C12orf56: variants seen among roughly 807,000 people sequenced by gnomAD.
C12orf56 encodes the protein uncharacterized protein C12orf56.
A neutral mutation model predicts 69.9 loss-of-function variants in C12orf56; 71 were observed. That is an observed-to-expected ratio of 1.02 (90% CI 0.84 to 1.24). C12orf56 has a LOEUF of 1.24. C12orf56 is among the 50% of genes most tolerant of loss of function. The pLI is 0.00. For missense variants in C12orf56, 732 were observed against 738.5 expected (o/e 0.99, Z 0.10); for synonymous variants, 276 against 274.1 (o/e 1.01, Z -0.07).
chr12:64,365,349 T>A (rs2039451442), intron 1 of C12orf56, among the ~76,000 whole-genome samples: 1 of 151,780 alleles, frequency 6.6e-6, no homozygotes, highest in Non-Finnish European at 1.5e-5. Flanking sequence ...GTATTTTTAG[T>A]AGAGATGGGG....
chr12:64,324,984 T>A (rs2038819500), intron 3 of C12orf56, among the ~76,000 whole-genome samples: 1 of 152,100 alleles, frequency 6.6e-6, no homozygotes, highest in Non-Finnish European at 1.5e-5. Context: ...ATCATCTAGG[T>A]AGCTACCAAA....
At chr12:64,293,738 T>A (rs1055740799) in intron 6 of C12orf56, among the ~76,000 whole-genome samples, 1 of 152,204 alleles carries the variant, frequency 6.6e-6, no homozygotes, top group Admixed American at 6.5e-5. Context: ...AAAAATATTA[T>A]GCCAAAAGAA....
In C12orf56 at chr12:64,286,079, A is replaced by G; in HGVS notation, c.1114-19T>C. 6.8e-7 allele frequency: 1 copy of G among 1,460,706 alleles called. No individual in the cohort carries two copies. Among genetic ancestry groups the G allele is most frequent in the Non-Finnish European group, 9.5e-7 (1 of 1,056,734 alleles). 90.5% of individuals were successfully genotyped at this position (1,460,706 alleles called of 1,614,324 possible). On this transcript the variant is annotated intron_variant, in intron 6 of 12. Transcript: ENST00000543942. ...CACTGGTCTGTGAAAGCAAGTTGGA[A>G]AAAAAGACAGTAATTAAGGTATCTG...
chr12:64,389,070 G>A (rs985914787), intron 1 of C12orf56: 1 of 151,844 alleles, frequency 6.6e-6, no homozygotes, highest in Non-Finnish European at 1.5e-5. Context: ...CAGCAAAACA[G>A]CTCCATCAAG....
At chr12:64,305,981 A>G (rs1348594418) in intron 5 of C12orf56, among the ~76,000 whole-genome samples, 1 of 152,208 alleles carries the variant, frequency 6.6e-6, no homozygotes, top group African/African-American at 2.4e-5. Flanking sequence ...TGGAGTCAGC[A>G]ATTTGCTAAG....
Position 64,390,665 on chromosome 12 carries a change from C to T in C12orf56, c.-100G>A, listed in dbSNP as rs1165113335. ...AACCCGCGCGCCACAAAGCCGCCGG[C>T]CACGCGTCGCCTCCTCTCCAGGCGC... is the stretch of plus-strand genomic sequence containing the variant. On this transcript the variant is annotated 5_prime_UTR_variant, in exon 1 of 13. Transcript: ENST00000543942. The T allele has an allele frequency of 3.9e-5, 53 of 1,360,580 alleles. No homozygotes were observed. Among genetic ancestry groups the T allele is most frequent in the Non-Finnish European group, 4.9e-5 (52 of 1,061,724 alleles). 84.3% of individuals were successfully genotyped at this position (1,360,580 alleles called of 1,614,324 possible). A position where few individuals can be genotyped will look rare whatever the true frequency, so the allele number is the denominator to read the frequency against.
chr12:64,325,486 TGG>T (rs2136852402), intron 3 of C12orf56, among the ~76,000 whole-genome samples: 1 of 152,316 alleles, frequency 6.6e-6, no homozygotes, highest in African/African-American at 2.4e-5. Context: ...GAAGGACTAC[TGG>T]GGGAAAATGA....
chr12:64,285,600 C>T (rs1366249165), intron 7 of C12orf56, among the ~76,000 whole-genome samples: 2 of 152,094 alleles, frequency 1.3e-5, no homozygotes, highest in African/African-American at 2.4e-5. Context: ...CCAGCCTGGC[C>T]AATGTGGTGA....
rs1028318745 is a variant in C12orf56, at chr12:64,375,160, C to A, written c.252+15154G>T. On this transcript the variant is annotated intron_variant, in intron 1 of 12. Coordinates refer to ENST00000543942, the MANE Select transcript of C12orf56 (RefSeq NM_001170633.2). The stretch of plus-strand genomic sequence containing the variant: ...GCAACCTCCGCCTCCCAGGTTCAAG[C>A]AATTCTCCTGCCTCAGCCTCCTGAG... Among the ~76,000 whole-genome samples, 11 of 151,644 alleles carry A rather than the reference C, an allele frequency of 7.3e-5. No homozygotes were observed. In the East Asian group the frequency reaches 2.2e-3, roughly 30 times the overall value.
At chr12:64,350,818 T>C (rs115398380) in intron 2 of C12orf56, among the ~76,000 whole-genome samples, 4 of 152,198 alleles carry the variant, frequency 2.6e-5, no homozygotes, top group Non-Finnish European at 5.9e-5. Context: ...TGCTGCACTT[T>C]ATGCAAATAA....
intron 6 of C12orf56, among the ~76,000 whole-genome samples, chr12:64,288,972 C>T (rs2136775919): frequency 7.4e-6 from 1 of 134,594 alleles, no homozygotes; most frequent in East Asian, 2.3e-4. Context: ...TTGATTCTTC[C>T]TACCCATGAG....
chr12:64,358,479 A>C (rs866478512), intron 1 of C12orf56, among the ~76,000 whole-genome samples: 95 of 25,076 alleles, frequency 3.8e-3, no homozygotes, highest in African/African-American at 5.8e-3. Context: ...TAATAATAAT[A>C]ATAATCATCA....
chr12:64,320,052 G>C (rs1898222), intron 3 of C12orf56, among the ~76,000 whole-genome samples: 67,941 of 152,084 alleles, frequency 0.45, 15,530 homozygotes, highest in African/African-American at 0.54. Flanking sequence ...CTGATCCAGT[G>C]AGACGCCCAG....
intron 2 of C12orf56, among the ~76,000 whole-genome samples, chr12:64,342,566 T>C (rs574063230): frequency 6.6e-6 from 1 of 152,294 alleles, no homozygotes; most frequent in South Asian, 2.1e-4. Context: ...TGTAACTTAC[T>C]TATGCCTTCA....
Position 64,267,162 on chromosome 12 carries a change from CA to C in C12orf56, c.*20del. On this transcript the variant is annotated 3_prime_UTR_variant, in exon 13 of 13. Transcript: ENST00000543942. Reference sequence around the variant, plus strand: ...GATTAACATTTTATACTCTTATTAACATTGCGTACATTGTTTGTTTCTATTC... The same window carrying C: ...GATTAACATTTTATACTCTTATTAACTTGCGTACATTGTTTGTTTCTATTC... 2.0e-6 allele frequency: 3 copies of C among 1,498,620 alleles called. No homozygotes were observed. Among genetic ancestry groups the C allele is most frequent in the Non-Finnish European group, 2.8e-6 (3 of 1,089,834 alleles). The allele number at this position is 1,498,620 out of a possible 1,614,324, so 92.8% of individuals were successfully genotyped here.
At chr12:64,367,692 T>C (rs2039515942) in intron 1 of C12orf56, among the ~76,000 whole-genome samples, 2 of 151,176 alleles carry the variant, frequency 1.3e-5, no homozygotes, top group Non-Finnish European at 2.9e-5. Flanking sequence ...TTAGTAGAGA[T>C]GGGATTTCAC....
intron 1 of C12orf56, among the ~76,000 whole-genome samples, chr12:64,354,010 A>T (rs2039270658): frequency 6.6e-6 from 1 of 152,172 alleles, no homozygotes; most frequent in Non-Finnish European, 1.5e-5. Flanking sequence ...ATTTTTTCAT[A>T]AAGGTCTCAA....
intron 9 of C12orf56, among the ~76,000 whole-genome samples, 162 bp downstream of exon 9, chr12:64,277,518 T>C (rs961019025): frequency 1.3e-5 from 2 of 152,096 alleles, no homozygotes; most frequent in Non-Finnish European, 2.9e-5. Flanking sequence ...AAATCTACTT[T>C]AGACTGACTA....
intron 5 of C12orf56, among the ~76,000 whole-genome samples, chr12:64,304,821 G>T (rs2038490643): frequency 6.6e-6 from 1 of 152,150 alleles, no homozygotes; most frequent in South Asian, 2.1e-4. Context: ...ACAGGAAGTT[G>T]TGGGGGGGTT....
Sources: gnomAD v4.1 joint callset for allele counts (sites outside exome capture counted in the v4.1 genomes callset) on GRCh38, gnomAD v4.1.1 for gene constraint, MANE v1.5 for transcripts, NCBI Gene and HGNC (gene_info 2026-07-23, HGNC 2026-07-21) for gene names.